Variants in CORO6 observed in about 807,000 individuals in gnomAD.
CORO6 encodes coronin 6.
CORO6 carries 43 observed loss-of-function variants against 49.0 expected under a neutral mutation model. That is an observed-to-expected ratio of 0.88 (90% CI 0.69 to 1.13). The LOEUF is 1.13. CORO6 is among the 50% of genes most tolerant of loss of function. CORO6 has a pLI of 0.00. For missense variants in CORO6, 650 were observed against 647.0 expected, an observed-to-expected ratio of 1.00 and a Z score of -0.05; for synonymous variants, 233 against 256.5, an observed-to-expected ratio of 0.91 and a Z score of 0.88.
chr17:29,617,590 C>A lies in CORO6; in HGVS notation c.663G>T (p.Arg221Ser). The A allele has an allele frequency of 6.2e-7, 1 of 1,603,716 alleles. No homozygotes were observed. The highest frequency in any genetic ancestry group is 1.3e-5 in the African/African-American group (1 of 74,908). Residue 221 changes from arginine to serine, a missense_variant, in exon 6 of 11, where the codon AGG becomes AGT. Physicochemically the swap from Arg to Ser is moderately radical, Grantham distance 110 (BLOSUM62 -1). Coordinates refer to ENST00000388767, the MANE Select transcript of CORO6 (RefSeq NM_032854.4). ...GGCGCGTGAAGACGGCCCGCATGGG[C>A]CTCATCCCCTCGTGGGCCGCAAACC... is the stretch of plus-strand genomic sequence containing the variant. ...AERFAAHEGM[R>S]PMRAVFTRQG...
At chr17:29,618,765 G>A (rs1345195362) in intron 5 of CORO6, 25 bp downstream of exon 5, 60 of 1,610,082 alleles carry the variant, frequency 3.7e-5, no homozygotes, top group Non-Finnish European at 4.3e-5. Context: ...AGGGGTTCTG[G>A]GGAGTGGCCA....
Position 29,621,230 on chromosome 17 carries a change from C to T in CORO6, c.192G>A (p.Leu64=), listed in dbSNP as rs1265440734. Residue 64 remains leucine (L), a synonymous_variant, in exon 2 of 11, where the codon CTG becomes CTA. Coordinates refer to ENST00000388767, the MANE Select transcript of CORO6 (RefSeq NM_032854.4). The surrounding 1 kb of genome is among the most constrained non-coding windows in gnomAD (Gnocchi z 4.2). The part of the protein sequence containing the change: ...GGGGAFIVLP[L]AKTGRVDKNY... The stretch of plus-strand genomic sequence containing the variant: ...CCTTTCCCTGATCCCTCACCTTGGC[C>T]AGAGGCAGGACGATGAAGGCACCCC... 6 of 1,613,974 alleles carry T rather than the reference C, an allele frequency of 3.7e-6. No individual in the cohort carries two copies. The highest frequency in any genetic ancestry group is 4.2e-6 in the Non-Finnish European group (5 of 1,180,036).
intron 5 of CORO6, 144 bp downstream of exon 5, chr17:29,618,646 G>A: frequency 7.0e-7 from 1 of 1,434,786 alleles, no homozygotes; most frequent in South Asian, 1.5e-5. Context: ...TGGTTGCAGA[G>A]ACGGGGGAAG....
In CORO6 at chr17:29,616,680, A is replaced by T; in HGVS notation, c.1004+22T>A. On this transcript the variant is annotated intron_variant, in intron 8 of 10. Transcript: ENST00000388767. The surrounding 1 kb of genome is among the most constrained non-coding windows in gnomAD (Gnocchi z 5.6). The stretch of plus-strand genomic sequence containing the variant: ...GGGGGACAGAGGCGGGTAGGTGTTC[A>T]GGAGGGGCCAAGGCTGCTGACCGGG... 2 of 1,602,832 alleles carry T rather than the reference A, an allele frequency of 1.2e-6. No homozygotes were observed. The highest frequency in any genetic ancestry group is 1.7e-6 in the Non-Finnish European group (2 of 1,171,354).
rs1047950029 is a variant in CORO6 at position 29,616,998 on chromosome 17, G to T, written c.798C>A (p.Ser266Arg). The stretch of plus-strand genomic sequence containing the variant: ...CGTAAAAGGGCAATAGGACCCCGTT[G>T]CTTGTGTCCATCTCCTGCAGTGCCA... ...EPVALQEMDTSNGVLLPFYDP... is the reference protein window; with the variant it reads ...EPVALQEMDTRNGVLLPFYDP... Residue 266 changes from serine to arginine, a missense_variant, in exon 7 of 11, where the codon AGC becomes AGA. By Grantham distance (110) the Ser-to-Arg change is moderately radical. Transcript: ENST00000388767. The surrounding 1 kb of genome is among the most constrained non-coding windows in gnomAD (Gnocchi z 5.6). 1.9e-6 allele frequency: 3 copies of T among 1,613,672 alleles called. No homozygotes were observed. In the African/African-American group the frequency reaches 4.0e-5, roughly 22 times the overall value.
Position 29,619,040 on chromosome 17 carries a change from C to A in CORO6, c.451+20G>T. On this transcript the variant is annotated intron_variant, in intron 4 of 10. Transcript: ENST00000388767. ...CCACCACCCACCCATCTATGGGGGA[C>A]CCCTCCTTAGCCCCCAGACCTGCAC... 1 of 1,611,968 alleles carries A rather than the reference C, an allele frequency of 6.2e-7. No homozygotes were observed. Among genetic ancestry groups the A allele is most frequent in the Non-Finnish European group, 8.5e-7 (1 of 1,178,688 alleles).
rs1186215342 is a variant in CORO6, at chr17:29,615,702, C to T, written c.*30G>A. On this transcript the variant is annotated 3_prime_UTR_variant, in exon 11 of 11. Coordinates refer to ENST00000388767, the MANE Select transcript of CORO6 (RefSeq NM_032854.4). ...GGGGCGGGGCCGAGCTTGTGCGCCC[C>T]GCCCCGCTCCGCCTGCCTGGCGCGC... 4.1e-6 allele frequency: 6 copies of T among 1,472,104 alleles called. No homozygotes were observed. Among genetic ancestry groups the T allele is most frequent in the Admixed American group, 2.8e-5 (1 of 36,318 alleles). The allele number at this position is 1,472,104 out of a possible 1,614,324, so 91.2% of individuals were successfully genotyped here. A position where few individuals can be genotyped will look rare whatever the true frequency, so the allele number is the denominator to read the frequency against.
At position 29,616,188 on chromosome 17, in the gene CORO6, G is replaced by A. The variant is rs769435927; in HGVS notation, c.1063-13C>T. On this transcript the variant is annotated splice_polypyrimidine_tract_variant and intron_variant, in intron 9 of 10. Transcript: ENST00000388767. The surrounding 1 kb of genome is among the most constrained non-coding windows in gnomAD (Gnocchi z 5.6). The stretch of plus-strand genomic sequence containing the variant: ...GGAAGAGGTCTGACTGCGGGGGTGG[G>A]TGGACAGGAGGACTTGCGTGAGAGG... 9 of 1,611,326 alleles carry A rather than the reference G, an allele frequency of 5.6e-6. No individual in the cohort carries two copies. Among genetic ancestry groups the A allele is most frequent in the Non-Finnish European group, 7.6e-6 (9 of 1,178,166 alleles).
chr17:29,621,797 G>T lies in CORO6; in HGVS notation c.-63-313C>A. On this transcript the variant is annotated intron_variant, in intron 1 of 10. Coordinates refer to ENST00000388767, the MANE Select transcript of CORO6 (RefSeq NM_032854.4). The surrounding 1 kb of genome is among the most constrained non-coding windows in gnomAD (Gnocchi z 4.2). ...GCCTGCACCCCCCGCCCCCACCACC[G>T]CCAGCCTTGATGAGCATCTCTTCAC... is the stretch of plus-strand genomic sequence containing the variant. 7.4e-6 allele frequency: 2 copies of T among 270,592 alleles called. No individual in the cohort carries two copies. Among genetic ancestry groups the T allele is most frequent in the East Asian group, 8.6e-5 (1 of 11,682 alleles). 16.8% of individuals were successfully genotyped at this position (270,592 alleles called of 1,614,324 possible).
In CORO6 at chr17:29,621,772, GCCTGCACC is replaced by G. The variant is rs2035316779; in HGVS notation, c.-63-296_-63-289del. 1.4e-5 allele frequency: 4 copies of G among 288,830 alleles called. No homozygotes were observed. The South Asian group carries it at 1.6e-4, about 12-fold the overall frequency. The allele number at this position is 288,830 out of a possible 1,614,324, so 17.9% of individuals were successfully genotyped here. A position where few individuals can be genotyped will look rare whatever the true frequency, so the allele number is the denominator to read the frequency against. ...TTGGGAGGAGCCTCAATGCCACACT[GCCTGCACC>G]CCCCGCCCCCACCACCGCCAGCCTT... On this transcript the variant is annotated intron_variant, in intron 1 of 10. Transcript: ENST00000388767. This position sits in a 1 kb window ranked among gnomAD's most constrained non-coding sequence, Gnocchi z 4.2.
In CORO6 at chr17:29,615,707, C is replaced by A; in HGVS notation, c.*25G>T. 6.7e-7 allele frequency: 1 copy of A among 1,483,208 alleles called. No homozygotes were observed. Among genetic ancestry groups the A allele is most frequent in the Non-Finnish European group, 8.9e-7 (1 of 1,121,034 alleles). 91.9% of individuals were successfully genotyped at this position (1,483,208 alleles called of 1,614,324 possible). ...GGGGCCGAGCTTGTGCGCCCCGCCC[C>A]GCTCCGCCTGCCTGGCGCGCGGGGC... On this transcript the variant is annotated 3_prime_UTR_variant, in exon 11 of 11. Coordinates refer to ENST00000388767, the MANE Select transcript of CORO6 (RefSeq NM_032854.4).
intron 2 of CORO6, 50 bp from the exon 3 acceptor site, chr17:29,619,823 G>T: frequency 6.4e-7 from 1 of 1,573,806 alleles, no homozygotes; most frequent in Non-Finnish European, 8.7e-7. Context: ...TGTGTTTTTT[G>T]GGGAGTGGGT....
At chr17:29,618,395 C>T (rs1232994374) in intron 5 of CORO6, 5 of 1,285,322 alleles carry the variant, frequency 3.9e-6, no homozygotes, top group Non-Finnish European at 4.9e-6. Flanking sequence ...AAGGGCCAGC[C>T]CTCGAGCCAG....
At position 29,618,938 on chromosome 17, in the gene CORO6, C is replaced by T; in HGVS notation, c.485G>A (p.Gly162Asp). 6.2e-7 allele frequency: 1 copy of T among 1,613,826 alleles called. No individual in the cohort carries two copies. Among genetic ancestry groups the T allele is most frequent in the Non-Finnish European group, 8.5e-7 (1 of 1,180,010 alleles). The change falls in exon 5 of 11, where the codon GGC becomes GAC. Residue 162 changes from glycine (G) to aspartate (D), a missense_variant. Transcript: ENST00000388767. ...GDNVIIIWNV[G>D]TGEVLLSLDD... ...CAGGCTCAGCAGCACCTCCCCGGTG[C>T]CCACATTCCAGATGATGATCACATT...
chr17:29,615,625 G>T lies in CORO6; in HGVS notation c.*107C>A, dbSNP rs1056398709. On this transcript the variant is annotated 3_prime_UTR_variant, in exon 11 of 11. Transcript: ENST00000388767. Reference sequence around the variant, plus strand: ...GGGGCGGAGTTCCCTCCCCAGTCCCGCCCCCGGGCCCAGCCCAAGAAGGCG... The same window carrying T: ...GGGGCGGAGTTCCCTCCCCAGTCCCTCCCCCGGGCCCAGCCCAAGAAGGCG... The T allele has an allele frequency of 2.4e-6, 3 of 1,265,930 alleles. No homozygotes were observed. Among genetic ancestry groups the T allele is most frequent in the Non-Finnish European group, 3.1e-6 (3 of 953,872 alleles). 78.4% of individuals were successfully genotyped at this position (1,265,930 alleles called of 1,614,324 possible).
At chr17:29,619,549 G>T (rs1398045966) in intron 3 of CORO6, 102 bp downstream of exon 3, 32 of 1,194,110 alleles carry the variant, frequency 2.7e-5, no homozygotes, top group Non-Finnish European at 3.8e-5. Context: ...CTGGGACCCA[G>T]CACCTCCCTT....
rs1415127859 is a variant in CORO6 at position 29,616,963 on chromosome 17, G to C, written c.833C>G (p.Ser278Cys). 4 of 1,613,828 alleles carry C rather than the reference G, an allele frequency of 2.5e-6. No homozygotes were observed. The highest frequency in any genetic ancestry group is 1.7e-5 in the Admixed American group (1 of 60,022). Residue 278 changes from serine to cysteine, a missense_variant, in exon 7 of 11, where the codon TCC becomes TGC. Transcript: ENST00000388767. This position sits in a 1 kb window ranked among gnomAD's most constrained non-coding sequence, Gnocchi z 5.6. The stretch of plus-strand genomic sequence containing the variant: ...CTTGCCACACAGGTAGACGATGCTG[G>C]AGTCGGGATCGTAAAAGGGCAATAG... ...GVLLPFYDPD[S>C]SIVYLCGKGD...
rs376581271 is a variant in CORO6 at position 29,617,622 on chromosome 17, G to A, written c.634-3C>T. On this transcript the variant is annotated splice_region_variant and splice_polypyrimidine_tract_variant and intron_variant, in intron 5 of 10. Coordinates refer to ENST00000388767, the MANE Select transcript of CORO6 (RefSeq NM_032854.4). ...CCCTCGTGGGCCGCAAACCTCTCCT[G>A]GGGGGAGGGGGAGACAGGGAGGGAC... 7 of 1,587,926 alleles carry A rather than the reference G, an allele frequency of 4.4e-6. No individual in the cohort carries two copies. Among genetic ancestry groups the A allele is most frequent in the Non-Finnish European group, 5.1e-6 (6 of 1,169,144 alleles).
intron 1 of CORO6, among the ~76,000 whole-genome samples, chr17:29,622,460 T>C (rs1462483925): frequency 6.6e-6 from 1 of 152,186 alleles, no homozygotes; most frequent in Non-Finnish European, 1.5e-5. Flanking sequence ...AGGCCCGGCC[T>C]CCCTGCACCC....
Sources: gnomAD v4.1 joint callset for allele counts (sites outside exome capture counted in the v4.1 genomes callset) on GRCh38, gnomAD v4.1.1 for gene constraint, Gnocchi (gnomAD v3.1) non-coding constraint, MANE v1.5 for transcripts, NCBI Gene and HGNC (gene_info 2026-07-23, HGNC 2026-07-21) for gene names.